FER1L6: variants seen among roughly 807,000 people sequenced by gnomAD.
The protein encoded by FER1L6 is fer-1 like family member 6.
FER1L6 carries 177 observed loss-of-function variants against 219.2 expected under a neutral mutation model. The observed-to-expected ratio is 0.81, with a 90% CI of 0.71 to 0.91. The LOEUF (loss-of-function observed/expected upper bound fraction) is 0.91, where lower values mean the gene tolerates loss of function less well. FER1L6 is among the 40% of genes least tolerant of loss of function. FER1L6 has a pLI of 0.00. For synonymous variants in FER1L6, 768 were observed against 824.3 expected, an observed-to-expected ratio of 0.93 and a Z score of 1.17; for missense variants, 2,153 against 2,259.9, an observed-to-expected ratio of 0.95 and a Z score of 0.96.
At chr8:124,055,315 C>T (rs1421025176) in intron 22 of FER1L6, among the ~76,000 whole-genome samples, 2 of 151,888 alleles carry the variant, frequency 1.3e-5, no homozygotes, top group Non-Finnish European at 2.9e-5. Context: ...GTGGAGGCTG[C>T]AGTGAACTAT....
chr8:124,067,248 CA>C (rs1022413180), intron 27 of FER1L6, among the ~76,000 whole-genome samples: 1 of 152,216 alleles, frequency 6.6e-6, no homozygotes, highest in Non-Finnish European at 1.5e-5. Context: ...GACTATTTCT[CA>C]AATATTGATA....
intron 39 of FER1L6, among the ~76,000 whole-genome samples, chr8:124,115,577 TG>T (rs1157189082): frequency 6.6e-6 from 1 of 152,248 alleles, no homozygotes; most frequent in Non-Finnish European, 1.5e-5. Context: ...GGGACTTTTC[TG>T]GTACTTTCTC....
chr8:123,973,471 G>A lies in FER1L6; in HGVS notation c.485G>A (p.Gly162Asp). ...AAGCTGATAGGAAGTGTACTGATTG[G>A]CTCTTTCAAAGTAGACCTGGGGACC... The part of the protein sequence containing the change: ...HHKLIGSVLI[G>D]SFKVDLGTVY... Residue 162 changes from glycine to aspartate, a missense_variant, in exon 7 of 41, where the codon GGC (glycine) becomes GAC (aspartate). Gly to Asp is a moderately conservative substitution (Grantham distance 94). Transcript: ENST00000522917. 6.2e-7 allele frequency: 1 copy of A among 1,614,038 alleles called. No homozygotes were observed. Among genetic ancestry groups the A allele is most frequent in the Middle Eastern group, 1.6e-4 (1 of 6,062 alleles).
chr8:124,103,105 T>C, intron 38 of FER1L6, 41 bp from the exon 39 acceptor site: 1 of 1,582,464 alleles, frequency 6.3e-7, no homozygotes, highest in Non-Finnish European at 8.6e-7. Flanking sequence ...CTGTTACTTT[T>C]AGAAAATGCT....
chr8:124,061,704 C>A (rs1820586693), intron 24 of FER1L6, 148 bp from the exon 25 acceptor site: 1 of 671,802 alleles, frequency 1.5e-6, no homozygotes, highest in Non-Finnish European at 2.5e-6. Context: ...CGGGAAGACA[C>A]TGCTCCAGAG....
intron 25 of FER1L6, among the ~76,000 whole-genome samples, chr8:124,062,855 G>T (rs1242339942): frequency 6.6e-6 from 1 of 151,148 alleles, no homozygotes; most frequent in East Asian, 2.0e-4. Context: ...GGCCACTCCA[G>T]AGAGCTGCAC....
chr8:123,939,952 A>G (rs909442652), intron 1 of FER1L6, among the ~76,000 whole-genome samples: 2 of 152,196 alleles, frequency 1.3e-5, no homozygotes, highest in African/African-American at 4.8e-5. Context: ...CATTCCAGAA[A>G]TAGGATTATT....
intron 2 of FER1L6, among the ~76,000 whole-genome samples, chr8:123,958,696 A>C (rs1183609476): frequency 7.8e-6 from 1 of 128,520 alleles, no homozygotes; most frequent in Non-Finnish European, 1.8e-5. Context: ...GTAAAGTGCT[A>C]TTAAAAAAAA....
At chr8:124,044,858 C>T (rs1463331137) in intron 20 of FER1L6, among the ~76,000 whole-genome samples, 1 of 152,210 alleles carries the variant, frequency 6.6e-6, no homozygotes, top group Non-Finnish European at 1.5e-5. Context: ...GCCCTCCCTT[C>T]TGAGGGCACC....
chr8:123,872,312 C>A (rs1167153952), intron 1 of FER1L6, among the ~76,000 whole-genome samples: 1 of 152,120 alleles, frequency 6.6e-6, no homozygotes, highest in Non-Finnish European at 1.5e-5. Flanking sequence ...ACTATATCAC[C>A]GTCATTCTAG....
chr8:124,003,208 A>C lies in FER1L6; in HGVS notation c.1561A>C (p.Ser521Arg). 1 of 1,614,052 alleles carries C rather than the reference A, an allele frequency of 6.2e-7. No individual in the cohort carries two copies. The highest frequency in any genetic ancestry group is 8.5e-7 in the Non-Finnish European group (1 of 1,179,978). Residue 521 changes from serine (S) to arginine (R), a missense_variant, in exon 13 of 41, where the codon AGT becomes CGT. Ser to Arg is a moderately radical substitution (Grantham distance 110). Transcript: ENST00000522917. ...NLIDGGSHHG[S>R]KKSAESAEED... ...GATTGATGGAGGATCCCATCATGGG[A>C]GTAAGAAGTCAGCTGAATCAGCTGA...
chr8:124,076,166 T>G (rs1218489814), intron 31 of FER1L6, 32 bp from the exon 32 acceptor site: 16 of 1,612,500 alleles, frequency 9.9e-6, no homozygotes, highest in Non-Finnish European at 1.4e-5. Context: ...TGAGAGCTAT[T>G]GAACCAAAGA....
intron 1 of FER1L6, among the ~76,000 whole-genome samples, chr8:123,871,897 T>C (rs1816929453): frequency 6.6e-6 from 1 of 152,226 alleles, no homozygotes; most frequent in South Asian, 2.1e-4. Flanking sequence ...ACTTTACCTC[T>C]GTGGTCTACC....
chr8:123,904,607 T>C (rs1220687852), intron 1 of FER1L6, among the ~76,000 whole-genome samples: 1 of 152,170 alleles, frequency 6.6e-6, no homozygotes, highest in Non-Finnish European at 1.5e-5. Flanking sequence ...CTATACAAGA[T>C]ACTTAGAAGG....
chr8:123,953,374 A>G (rs571807736), intron 1 of FER1L6, among the ~76,000 whole-genome samples: 2 of 152,228 alleles, frequency 1.3e-5, no homozygotes, highest in African/African-American at 4.8e-5. Flanking sequence ...GCTTCTCAAC[A>G]CTGGGTCTGC....
Position 123,970,029 on chromosome 8 carries a change from T to C in FER1L6, c.385-6T>C. Reference sequence around the variant, plus strand: ...TGATGACCAGAATGAACTTTTTGTTTTGCAGTACTTTGTCTTCGACTTCAT... The same window carrying C: ...TGATGACCAGAATGAACTTTTTGTTCTGCAGTACTTTGTCTTCGACTTCAT... On this transcript the variant is annotated splice_region_variant and splice_polypyrimidine_tract_variant and intron_variant, in intron 5 of 40. Coordinates refer to ENST00000522917, the MANE Select transcript of FER1L6 (RefSeq NM_001039112.2). The C allele has an allele frequency of 1.9e-6, 3 of 1,613,896 alleles. No homozygotes were observed. Among genetic ancestry groups the C allele is most frequent in the Non-Finnish European group, 2.5e-6 (3 of 1,179,784 alleles).
At chr8:124,062,379 G>A (rs1383445511) in intron 25 of FER1L6, among the ~76,000 whole-genome samples, 1 of 152,136 alleles carries the variant, frequency 6.6e-6, no homozygotes, top group African/African-American at 2.4e-5. Flanking sequence ...TCAGTTCCAT[G>A]CTCTACAATC....
intron 1 of FER1L6, among the ~76,000 whole-genome samples, chr8:123,876,959 C>G (rs1034361349): frequency 6.6e-6 from 1 of 152,344 alleles, no homozygotes; most frequent in Non-Finnish European, 1.5e-5. Context: ...CTGCTAGGCC[C>G]CTAGGCTGGC....
intron 1 of FER1L6, among the ~76,000 whole-genome samples, chr8:123,928,988 G>A (rs1813667424): frequency 6.6e-6 from 1 of 152,192 alleles, no homozygotes; most frequent in Non-Finnish European, 1.5e-5. Context: ...TATGAGCTTG[G>A]AACTCACCAG....
Sources: gnomAD v4.1 joint callset for allele counts (sites outside exome capture counted in the v4.1 genomes callset) on GRCh38, gnomAD v4.1.1 for gene constraint, MANE v1.5 for transcripts, NCBI Gene and HGNC (gene_info 2026-07-23, HGNC 2026-07-21) for gene names.